PDE1C: variants seen among roughly 807,000 people sequenced by gnomAD.
PDE1C encodes the protein dual specificity calcium/calmodulin-dependent 3',5'-cyclic nucleotide phosphodiesterase 1C.
Under a neutral mutation model 93.1 loss-of-function variants are expected in PDE1C, and 62 were observed. The observed-to-expected ratio is 0.67, with a 90% CI of 0.54 to 0.82. The LOEUF is 0.82. Ranked by LOEUF, PDE1C falls within the 40% of genes least tolerant of loss-of-function variation. The probability of loss-of-function intolerance (pLI) is 0.00; values close to 1 mark genes in which losing one functional copy is unlikely to be tolerated. For synonymous variants in PDE1C, 325 were observed against 310.1 expected, an observed-to-expected ratio of 1.05 and a Z score of -0.50; for missense variants, 742 against 884.6, an observed-to-expected ratio of 0.84 and a Z score of 2.04.
intron 6 of PDE1C, 29 bp from the exon 7 acceptor site, chr7:31,865,111 T>C: frequency 6.2e-7 from 1 of 1,612,724 alleles, no homozygotes. Context: ...GTTAATTAAC[T>C]AGTGACTTCA....
intron 1 of PDE1C, among the ~76,000 whole-genome samples, chr7:32,305,541 T>A (rs1212743973): frequency 6.6e-6 from 1 of 152,222 alleles, no homozygotes; most frequent in African/African-American, 2.4e-5. Flanking sequence ...CCTTGACTCA[T>A]CCAAATCTGA....
chr7:32,327,977 T>C (rs1783438256), intron 1 of PDE1C, among the ~76,000 whole-genome samples: 1 of 152,178 alleles, frequency 6.6e-6, no homozygotes, highest in African/African-American at 2.4e-5. Context: ...CATTTCCAGT[T>C]TGAAGGTGTT....
chr7:32,210,845 T>C (rs951133996), intron 1 of PDE1C, among the ~76,000 whole-genome samples: 3 of 152,192 alleles, frequency 2.0e-5, no homozygotes, highest in Admixed American at 2.0e-4. Flanking sequence ...TATAAGATGT[T>C]ATATAAAAAT....
At position 31,775,574 on chromosome 7, in the gene PDE1C, T is replaced by C. The variant is rs1795769670; in HGVS notation, c.1960+90A>G. On this transcript the variant is annotated intron_variant, in intron 17 of 17. Transcript: ENST00000396191. ...AGTAGACTGGATAACTATGGGGCCATGTTCTCAGTTTATCAACCCAATTCC... is the reference window on the plus strand; with the variant it reads ...AGTAGACTGGATAACTATGGGGCCACGTTCTCAGTTTATCAACCCAATTCC... 2.9e-6 allele frequency: 3 copies of C among 1,035,174 alleles called. No homozygotes were observed. In the South Asian group the frequency reaches 4.1e-5, roughly 14 times the overall value. 64.1% of individuals were successfully genotyped at this position (1,035,174 alleles called of 1,614,324 possible).
chr7:31,632,659 G>A, the PDE1C span, among the ~76,000 whole-genome samples: 3 of 152,128 alleles, frequency 2.0e-5, no homozygotes, highest in Admixed American at 2.0e-4. Context: ...TAGGCTGTGT[G>A]TATGGAAGTG....
intron 1 of PDE1C, 104 bp from the exon 2 acceptor site, chr7:32,051,684 A>AG (rs1793402020): frequency 2.3e-6 from 2 of 883,914 alleles, no homozygotes; most frequent in South Asian, 1.4e-5. Flanking sequence ...AACACTTCTT[A>AG]GGGGGGTTTC....
chr7:31,878,066 T>C, intron 4 of PDE1C, 30 bp from the exon 5 acceptor site: 3 of 1,494,290 alleles, frequency 2.0e-6, no homozygotes, highest in East Asian at 4.5e-5. Context: ...AAATGCAACA[T>C]GATATCTTAT....
At chr7:31,727,710 T>C in the PDE1C span, among the ~76,000 whole-genome samples, 14 of 152,196 alleles carry the variant, frequency 9.2e-5, no homozygotes, top group African/African-American at 2.9e-4. Flanking sequence ...TTAATTTTTT[T>C]AGACTACAAT....
the PDE1C span, among the ~76,000 whole-genome samples, chr7:31,637,717 C>G: frequency 6.6e-6 from 1 of 152,164 alleles, no homozygotes; most frequent in Non-Finnish European, 1.5e-5. Flanking sequence ...GTTTCTATTG[C>G]TGTGCAGAAG....
At chr7:31,865,178 G>T in intron 6 of PDE1C, 96 bp from the exon 7 acceptor site, 1 of 1,183,724 alleles carries the variant, frequency 8.4e-7, no homozygotes, top group Non-Finnish European at 1.2e-6. Flanking sequence ...TTCTCTGAAG[G>T]CATAACACAT....
chr7:31,702,856 T>C, the PDE1C span, among the ~76,000 whole-genome samples: 58 of 152,342 alleles, frequency 3.8e-4, 1 homozygote, highest in African/African-American at 1.3e-3. Context: ...GACTGATTAT[T>C]TTCTGTTCGT....
chr7:32,297,955 A>ATATATCTCTCTCTCTCTCTCTC, intron 1 of PDE1C, among the ~76,000 whole-genome samples: 1 of 28,956 alleles, frequency 3.5e-5, no homozygotes, highest in Middle Eastern at 0.031. Flanking sequence ...CTATTGTTCA[A>ATATATCTCTCTCTCTCTCTCTC]TCTCTCTCTC....
the PDE1C span, among the ~76,000 whole-genome samples, chr7:31,662,605 A>T: frequency 2.6e-5 from 4 of 152,148 alleles, no homozygotes; most frequent in African/African-American, 9.7e-5. Context: ...TGTTGTGTAG[A>T]CGTATGTGAC....
chr7:31,910,218 C>T (rs1048497578), intron 2 of PDE1C, among the ~76,000 whole-genome samples: 1 of 152,178 alleles, frequency 6.6e-6, no homozygotes, highest in Non-Finnish European at 1.5e-5. Flanking sequence ...CCAATTTCTT[C>T]CTTGACTCTT....
chr7:31,889,934 C>A (rs142785062), intron 2 of PDE1C, among the ~76,000 whole-genome samples: 110 of 152,186 alleles, frequency 7.2e-4, no homozygotes, highest in African/African-American at 2.6e-3. Context: ...CCAGTTTATC[C>A]CCTGTTTTTA....
At chr7:31,822,217 A>C (rs2128736089) in intron 14 of PDE1C, among the ~76,000 whole-genome samples, 1 of 152,042 alleles carries the variant, frequency 6.6e-6, no homozygotes, top group Non-Finnish European at 1.5e-5. Flanking sequence ...TGTTAGCAAA[A>C]ACCGACTCTT....
At chr7:31,635,178 T>TCATC in the PDE1C span, among the ~76,000 whole-genome samples, 1 of 152,250 alleles carries the variant, frequency 6.6e-6, no homozygotes. Context: ...AGGTGATTTC[T>TCATC]CATCCTTTGT....
intron 17 of PDE1C, among the ~76,000 whole-genome samples, chr7:31,766,398 C>A (rs1351708309): frequency 1.4e-5 from 2 of 146,014 alleles, no homozygotes; most frequent in African/African-American, 5.0e-5. Context: ...AAAAAAAAAT[C>A]TTTAATATAA....
intron 2 of PDE1C, among the ~76,000 whole-genome samples, chr7:32,002,380 T>G (rs1785583700): frequency 6.6e-6 from 1 of 152,268 alleles, no homozygotes; most frequent in African/African-American, 2.4e-5. Context: ...GGCTGATGGC[T>G]GACAAGATAT....
Sources: gnomAD v4.1 joint callset for allele counts (sites outside exome capture counted in the v4.1 genomes callset) on GRCh38, gnomAD v4.1.1 for gene constraint, MANE v1.5 for transcripts, NCBI Gene and HGNC (gene_info 2026-07-23, HGNC 2026-07-21) for gene names.